Variants in DSCAM observed in about 807,000 individuals in gnomAD.
The protein encoded by DSCAM is DS cell adhesion molecule, also known as cell adhesion molecule DSCAM.
DSCAM carries 47 observed loss-of-function variants against 217.7 expected under a neutral mutation model. The ratio of observed to expected loss-of-function variants is 0.22; its 90% CI spans 0.17 to 0.28. The LOEUF is 0.28. Ranked by LOEUF, DSCAM falls within the 10% of genes least tolerant of loss-of-function variation. DSCAM has a pLI of 1.00. For missense variants in DSCAM, 2,080 were observed against 2,618.3 expected (o/e 0.79, Z 4.49); for synonymous variants, 1,056 against 1,015.3 (o/e 1.04, Z -0.76).
intron 3 of DSCAM, among the ~76,000 whole-genome samples, chr21:40,477,586 T>C (rs1396090376): frequency 2.6e-5 from 4 of 152,162 alleles, no homozygotes; most frequent in African/African-American, 9.7e-5. Flanking sequence ...ACTTAGTAAG[T>C]TTCACTTTTT....
intron 16 of DSCAM, among the ~76,000 whole-genome samples, chr21:40,160,001 C>T (rs1673249306): frequency 6.6e-6 from 1 of 152,104 alleles, no homozygotes; most frequent in Non-Finnish European, 1.5e-5. Context: ...TGTCCAGAGC[C>T]ATTGGTGGGG....
intron 32 of DSCAM, among the ~76,000 whole-genome samples, chr21:40,038,918 C>CA (rs1363260279): frequency 6.7e-6 from 1 of 148,758 alleles, no homozygotes; most frequent in Admixed American, 6.8e-5. Flanking sequence ...ATCGCAAGAA[C>CA]AAAAAACCAA....
In DSCAM at chr21:40,144,426, C is replaced by T. The variant is rs1050398543; in HGVS notation, c.3259+65G>A. Reference sequence around the variant, plus strand: ...GGGGGAGTGCGAGGTTGGGGGAGCCCCGGGGCAGACCCGAGGGAACCTTTG... The same window carrying T: ...GGGGGAGTGCGAGGTTGGGGGAGCCTCGGGGCAGACCCGAGGGAACCTTTG... On this transcript the variant is annotated intron_variant, in intron 17 of 32. Transcript: ENST00000400454. This position sits in a 1 kb window ranked among gnomAD's most constrained non-coding sequence, Gnocchi z 4.8. The T allele has an allele frequency of 6.3e-6, 10 of 1,593,508 alleles. No individual in the cohort carries two copies. Among genetic ancestry groups the T allele is most frequent in the Admixed American group, 5.1e-5 (3 of 59,188 alleles).
chr21:40,231,535 C>T (rs898303502), intron 11 of DSCAM, among the ~76,000 whole-genome samples: 6 of 151,528 alleles, frequency 4.0e-5, no homozygotes, highest in African/African-American at 1.5e-4. Flanking sequence ...CAGTGTCTTG[C>T]TTTGTTGCTC....
intron 3 of DSCAM, among the ~76,000 whole-genome samples, chr21:40,449,882 C>T (rs1197776033): frequency 6.6e-6 from 1 of 152,100 alleles, no homozygotes; most frequent in South Asian, 2.1e-4. Context: ...TTAATTAATT[C>T]TATACATTAT....
chr21:40,388,629 G>A (rs2123748784), intron 3 of DSCAM, among the ~76,000 whole-genome samples: 1 of 151,200 alleles, frequency 6.6e-6, no homozygotes, highest in Non-Finnish European at 1.5e-5. Flanking sequence ...CGGGAGTTAA[G>A]GCCATTTTAA....
intron 1 of DSCAM, among the ~76,000 whole-genome samples, chr21:40,718,580 G>A (rs1311184128): frequency 6.6e-6 from 1 of 152,032 alleles, no homozygotes; most frequent in Non-Finnish European, 1.5e-5. Context: ...AACAGCACGG[G>A]AATGACCTGC....
At position 40,189,238 on chromosome 21, in the gene DSCAM, A is replaced by G. The variant is rs2090929484; in HGVS notation, c.2357T>C (p.Ile786Thr). The G allele has an allele frequency of 3.8e-6, 6 of 1,566,280 alleles. No homozygotes were observed. The highest frequency in any genetic ancestry group is 5.2e-6 in the Non-Finnish European group (6 of 1,158,716). ...TGGATAGGATGTTATCATCGCAGGA[A>G]CTGAAAAAGCAAAAGGGACACAACT... ...VSKSMYLTVKIPAMITSYPNT... is the reference protein window; with the variant it reads ...VSKSMYLTVKTPAMITSYPNT... Residue 786 changes from isoleucine (I) to threonine (T), a missense_variant and splice_region_variant, in exon 12 of 33, where the codon ATT becomes ACT. Ile to Thr is a moderately conservative substitution (Grantham distance 89, BLOSUM62 -1). Transcript: ENST00000400454.
chr21:40,611,570 T>C (rs540841430), intron 3 of DSCAM, among the ~76,000 whole-genome samples: 38 of 152,292 alleles, frequency 2.5e-4, no homozygotes, highest in African/African-American at 9.1e-4. Flanking sequence ...GCTACCCTAC[T>C]GGATGGTGCA....
chr21:40,340,044 G>A (rs545812583), intron 6 of DSCAM, among the ~76,000 whole-genome samples: 1 of 152,172 alleles, frequency 6.6e-6, no homozygotes, highest in East Asian at 1.9e-4. Context: ...CTGAGAATGG[G>A]TAGAAGCTAA....
intron 1 of DSCAM, among the ~76,000 whole-genome samples, chr21:40,750,256 C>T (rs565476974): frequency 2.6e-5 from 4 of 152,252 alleles, no homozygotes; most frequent in African/African-American, 9.6e-5. Flanking sequence ...CCCTCAGCCT[C>T]CTAGTCTCTC....
Position 40,012,938 on chromosome 21 carries a change from T to G in DSCAM, c.*96A>C. 2.1e-6 allele frequency: 2 copies of G among 967,846 alleles called. No individual in the cohort carries two copies. Among genetic ancestry groups the G allele is most frequent in the Non-Finnish European group, 1.4e-6 (1 of 727,040 alleles). The allele number at this position is 967,846 out of a possible 1,614,324, so 60.0% of individuals were successfully genotyped here. ...TTTTTTTAATATATTTTGGCAATTT[T>G]CTTTAATTATAAATATTGGAATTCC... On this transcript the variant is annotated 3_prime_UTR_variant, in exon 33 of 33. Transcript: ENST00000400454.
chr21:40,101,141 G>A (rs946672661), intron 20 of DSCAM, among the ~76,000 whole-genome samples: 1 of 152,312 alleles, frequency 6.6e-6, no homozygotes, highest in East Asian at 1.9e-4. Flanking sequence ...CCAGCTTGAG[G>A]AAGTGGATGG....
chr21:40,266,792 A>ATATATG (rs2073541496), intron 11 of DSCAM, among the ~76,000 whole-genome samples: 2 of 136,290 alleles, frequency 1.5e-5, no homozygotes, highest in Non-Finnish European at 3.1e-5. Flanking sequence ...ATATATATAT[A>ATATATG]TATATATACA....
At chr21:40,364,956 T>C (rs1431808071) in intron 4 of DSCAM, among the ~76,000 whole-genome samples, 1 of 150,352 alleles carries the variant, frequency 6.7e-6, no homozygotes, top group Non-Finnish European at 1.5e-5. Context: ...TTTCATACTT[T>C]TATTTTTCTC....
intron 9 of DSCAM, among the ~76,000 whole-genome samples, chr21:40,296,433 G>A (rs2073955066): frequency 1.3e-5 from 2 of 152,154 alleles, no homozygotes; most frequent in East Asian, 3.9e-4. Flanking sequence ...CCTCGAGGGA[G>A]GAAGTTTGAC....
rs140334761 is a variant in DSCAM, at chr21:40,561,390, G to A, written c.508+131420C>T. Among the ~76,000 whole-genome samples the A allele has an allele frequency of 6.6e-5, 10 of 152,266 alleles. No individual in the cohort carries two copies. The East Asian group carries it at 7.7e-4, about 12-fold the overall frequency. Reference sequence around the variant, plus strand: ...ATTCCTGTGTGTATGCTGACTACACGTCGTTCCATTATTTTCTCACCGGCA... The same window carrying A: ...ATTCCTGTGTGTATGCTGACTACACATCGTTCCATTATTTTCTCACCGGCA... On this transcript the variant is annotated intron_variant, in intron 3 of 32. Transcript: ENST00000400454.
chr21:40,047,202 T>C (rs565550502), intron 30 of DSCAM, among the ~76,000 whole-genome samples: 1 of 152,306 alleles, frequency 6.6e-6, no homozygotes, highest in African/African-American at 2.4e-5. Context: ...TTTAATAATT[T>C]GGTTTTTGGA....
intron 10 of DSCAM, among the ~76,000 whole-genome samples, chr21:40,285,875 C>T (rs549697650): frequency 1.3e-5 from 2 of 152,222 alleles, no homozygotes; most frequent in East Asian, 3.9e-4. Flanking sequence ...AATTGGAAAT[C>T]GGGGTGCTGG....
Sources: allele counts gnomAD v4.1 joint callset (sites outside exome capture counted in the v4.1 genomes callset), GRCh38; gene constraint gnomAD v4.1.1; non-coding constraint Gnocchi (gnomAD v3.1); transcripts MANE v1.5; gene names NCBI Gene and HGNC (gene_info 2026-07-23, HGNC 2026-07-21).